XPO4: variants seen among roughly 807,000 people sequenced by gnomAD.
XPO4 encodes the protein exportin-4.
Under a neutral mutation model 143.0 loss-of-function variants are expected in XPO4, and 39 were observed. The observed-to-expected ratio is 0.27, with a 90% CI of 0.21 to 0.36. The LOEUF (loss-of-function observed/expected upper bound fraction) is 0.36, where lower values mean the gene tolerates loss of function less well. Among genes scored for constraint, XPO4 ranks in the 10% least tolerant of loss-of-function variants. XPO4 has a pLI of 1.00. For synonymous variants in XPO4, 439 were observed against 474.0 expected (o/e 0.93, Z 0.96); for missense variants, 907 against 1,348.0 (o/e 0.67, Z 5.12).
chr13:20,825,711 A>G (rs1409711729), intron 7 of XPO4, among the ~76,000 whole-genome samples: 2 of 152,212 alleles, frequency 1.3e-5, no homozygotes, highest in Admixed American at 1.3e-4. Context: ...TTGGATTCGT[A>G]TCAAAACAAT....
Position 20,796,764 on chromosome 13 carries a change from C to T in XPO4, c.2616G>A (p.Glu872=). 1 of 1,592,416 alleles carries T rather than the reference C, an allele frequency of 6.3e-7. No homozygotes were observed. The change falls in exon 17 of 23, where the codon GAG becomes GAA. Residue 872 remains glutamate, a splice_region_variant and synonymous_variant. Transcript: ENST00000255305. ...GGGGATAAAATTAGAAAGTGCTTAC[C>T]TCTCCAAGATAGCATATCTGTTTAT... ...VAHKQICYLG[E]SKAMNLYEAC...
At chr13:20,821,485 A>G (rs1469331080) in intron 9 of XPO4, among the ~76,000 whole-genome samples, 1 of 152,210 alleles carries the variant, frequency 6.6e-6, no homozygotes, top group African/African-American at 2.4e-5. Context: ...TCTCAAAATT[A>G]AATGCTTAAG....
intron 13 of XPO4, among the ~76,000 whole-genome samples, chr13:20,806,539 C>CTTTTTTTTTTTTT (rs3056347): frequency 1.6e-5 from 1 of 61,596 alleles, no homozygotes; most frequent in African/African-American, 6.8e-5. Context: ...TTTCAGGACC[C>CTTTTTTTTTTTTT]TTTTTTTTTT....
intron 6 of XPO4, among the ~76,000 whole-genome samples, chr13:20,831,996 A>G (rs958544296): frequency 6.6e-6 from 1 of 152,078 alleles, no homozygotes; most frequent in Non-Finnish European, 1.5e-5. Context: ...AGAAGAGTGA[A>G]GAATCAACTC....
intron 1 of XPO4, among the ~76,000 whole-genome samples, chr13:20,884,283 A>T (rs2060440897): frequency 6.6e-6 from 1 of 152,186 alleles, no homozygotes; most frequent in East Asian, 1.9e-4. Context: ...AGGAGGCTGA[A>T]GCAGGATTAC....
intron 1 of XPO4, among the ~76,000 whole-genome samples, chr13:20,887,808 C>A (rs984977506): frequency 1.3e-5 from 2 of 151,862 alleles, no homozygotes; most frequent in African/African-American, 4.8e-5. Flanking sequence ...TTGCAGTGAG[C>A]CAACATCATA....
Position 20,800,873 on chromosome 13 carries a change from C to T in XPO4, c.1935G>A (p.Trp645Ter). The change falls in exon 14 of 23, where the codon TGG becomes TGA. Residue 645 changes from tryptophan to a stop codon, truncating the protein, a stop_gained. Coordinates refer to ENST00000255305, the MANE Select transcript of XPO4 (RefSeq NM_022459.5). LOFTEE classifies it high-confidence loss of function. The stretch of plus-strand genomic sequence containing the variant: ...CATCCACCAGGAGATAAGTCTTTGC[C>T]CAGCGTTTTAAAAACCAAACAATAT... ...GKDIVWFLKR[W>*]AKTYLLVDEK... 6.2e-7 allele frequency: 1 copy of T among 1,613,882 alleles called. No homozygotes were observed. The highest frequency in any genetic ancestry group is 8.5e-7 in the Non-Finnish European group (1 of 1,179,930).
chr13:20,800,806 G>A (rs1351415294), intron 14 of XPO4, 25 bp downstream of exon 14: 1 of 1,601,170 alleles, frequency 6.2e-7, no homozygotes. Flanking sequence ...AAATCCAAAT[G>A]AAGTTTTAAG....
chr13:20,805,813 A>T (rs2059497193), intron 13 of XPO4, among the ~76,000 whole-genome samples: 1 of 152,196 alleles, frequency 6.6e-6, no homozygotes, highest in Non-Finnish European at 1.5e-5. Flanking sequence ...ATTATTTCTC[A>T]AATGATACCT....
chr13:20,873,116 A>AAAC lies in XPO4; in HGVS notation c.70-4416_70-4415insGTT, dbSNP rs2060317481. ...CAAGGATCTTCAAAAAAAAAAAAAA[A>AAAC]CAAGGATGGGAAAAAACTGAGATTT... is the stretch of plus-strand genomic sequence containing the variant. On this transcript the variant is annotated intron_variant, in intron 1 of 22. Transcript: ENST00000255305. Among the ~76,000 whole-genome samples, 7 of 151,216 alleles carry AAAC rather than the reference A, an allele frequency of 4.6e-5. No homozygotes were observed. In the South Asian group the frequency reaches 1.5e-3, roughly 32 times the overall value.
chr13:20,778,269 TAAACA>T lies in XPO4; in HGVS notation c.*5448_*5452del, dbSNP rs546899505. 2 of 152,240 alleles carry T rather than the reference TAAACA, an allele frequency of 1.3e-5. No individual in the cohort carries two copies. The highest frequency in any genetic ancestry group is 2.9e-5 in the Non-Finnish European group (2 of 68,032). 9.4% of individuals were successfully genotyped at this position (152,240 alleles called of 1,614,324 possible). On this transcript the variant is annotated 3_prime_UTR_variant, in exon 23 of 23. Transcript: ENST00000255305. ...CAAAATACACTCTAATTGGTTTTCT[TAAACA>T]ACTTTTCTTTATCCACCTTTGGAGT...
At chr13:20,868,975 T>C (rs966088000) in intron 1 of XPO4, among the ~76,000 whole-genome samples, 1 of 152,198 alleles carries the variant, frequency 6.6e-6, no homozygotes, top group Non-Finnish European at 1.5e-5. Context: ...CAGATACTTA[T>C]CTAACATTTT....
In XPO4 at chr13:20,803,863, C is replaced by T. The variant is rs375992287; in HGVS notation, c.1818-2873G>A. 7.9e-5 allele frequency among the ~76,000 whole-genome samples: 12 copies of T among 152,094 alleles called. No individual in the cohort carries two copies. The highest frequency in any genetic ancestry group is 1.9e-4 in the East Asian group (1 of 5,180). ...CTAGGAAAATGATGCTGGGACCTGA[C>T]GGCTGCATTCCCAGAAAATCAGGCA... On this transcript the variant is annotated intron_variant, in intron 13 of 22. Coordinates refer to ENST00000255305, the MANE Select transcript of XPO4 (RefSeq NM_022459.5). The surrounding 1 kb of genome is among the most constrained non-coding windows in gnomAD (Gnocchi z 4.1).
chr13:20,880,291 G>C (rs2060395116), intron 1 of XPO4, among the ~76,000 whole-genome samples: 2 of 152,114 alleles, frequency 1.3e-5, no homozygotes. Flanking sequence ...AATTAGCCGG[G>C]CGTGGTGGCA....
At chr13:20,795,123 TAGAAAG>T (rs1386142477) in intron 18 of XPO4, among the ~76,000 whole-genome samples, 7 of 151,950 alleles carry the variant, frequency 4.6e-5, no homozygotes, top group Non-Finnish European at 4.4e-5. Flanking sequence ...GCACCCAACT[TAGAAAG>T]AGAATCTTAC....
chr13:20,807,451 T>C lies in XPO4; in HGVS notation c.1817+6A>G. ...TACAAGAGCACAGCTATAGAGTTTA[T>C]ATTACCTAATCACAGAATCTGTTCT... On this transcript the variant is annotated splice_donor_region_variant and intron_variant, in intron 13 of 22. Coordinates refer to ENST00000255305, the MANE Select transcript of XPO4 (RefSeq NM_022459.5). The C allele has an allele frequency of 6.2e-7, 1 of 1,609,458 alleles. No homozygotes were observed. The highest frequency in any genetic ancestry group is 8.5e-7 in the Non-Finnish European group (1 of 1,178,576).
chr13:20,785,034 A>G (rs996863020), intron 22 of XPO4, among the ~76,000 whole-genome samples: 1 of 152,062 alleles, frequency 6.6e-6, no homozygotes, highest in Non-Finnish European at 1.5e-5. Context: ...TCCCTGGCTA[A>G]TTTTTGAATT....
At chr13:20,870,435 T>A (rs892361349) in intron 1 of XPO4, among the ~76,000 whole-genome samples, 2 of 147,142 alleles carry the variant, frequency 1.4e-5, no homozygotes, top group Non-Finnish European at 3.0e-5. Flanking sequence ...CCATCTCAAT[T>A]AAAAAAAAAA....
chr13:20,894,614 G>A (rs2060549975), intron 1 of XPO4, among the ~76,000 whole-genome samples: 1 of 152,110 alleles, frequency 6.6e-6, no homozygotes, highest in South Asian at 2.1e-4. Flanking sequence ...GCCAAGGCAG[G>A]TGGATCACCT....
Sources: gnomAD v4.1 joint callset for allele counts (sites outside exome capture counted in the v4.1 genomes callset) on GRCh38, gnomAD v4.1.1 for gene constraint, Gnocchi (gnomAD v3.1) non-coding constraint, MANE v1.5 for transcripts, NCBI Gene and HGNC (gene_info 2026-07-23, HGNC 2026-07-21) for gene names.